Variants in FGF7 observed in about 807,000 individuals in gnomAD.
FGF7 encodes the protein FGF-7.
Under a neutral mutation model 20.5 loss-of-function variants are expected in FGF7, and 6 were observed. The ratio of observed to expected loss-of-function variants is 0.29; its 90% CI spans 0.16 to 0.58. The LOEUF is 0.58. Among genes scored for constraint, FGF7 ranks in the 20% least tolerant of loss-of-function variants. The probability of loss-of-function intolerance (pLI) is 0.90; values close to 1 mark genes in which losing one functional copy is unlikely to be tolerated. For missense variants in FGF7, 144 were observed against 228.8 expected (o/e 0.63, Z 2.39); for synonymous variants, 64 against 74.7 (o/e 0.86, Z 0.74).
At chr15:49,457,316 G>A (rs938894726) in intron 2 of FGF7, among the ~76,000 whole-genome samples, 7 of 151,886 alleles carry the variant, frequency 4.6e-5, no homozygotes, top group Admixed American at 6.6e-5. Flanking sequence ...TCAAATCAGC[G>A]TGTAAACTAC....
chr15:49,480,474 A>ATT (rs35283556), intron 2 of FGF7, among the ~76,000 whole-genome samples: 3,892 of 100,818 alleles, frequency 0.039, 134 homozygotes, highest in African/African-American at 0.085. Flanking sequence ...TGCCCAACTA[A>ATT]TTTTTTTTTT....
In FGF7 at chr15:49,453,729, C is replaced by T. The variant is rs536518883; in HGVS notation, c.286+29146C>T. 2.6e-5 allele frequency among the ~76,000 whole-genome samples: 4 copies of T among 152,252 alleles called. No individual in the cohort carries two copies. In the South Asian group the frequency reaches 8.3e-4, roughly 32 times the overall value. On this transcript the variant is annotated intron_variant, in intron 2 of 3. Coordinates refer to ENST00000267843, the MANE Select transcript of FGF7 (RefSeq NM_002009.4). ...CTGAAATTTCATGTCTCTTCCTTTT[C>T]TTGAGCTCTTGTTACATGTATCTAA...
chr15:49,426,529 T>G (rs2050146467), intron 2 of FGF7, among the ~76,000 whole-genome samples: 1 of 151,930 alleles, frequency 6.6e-6, no homozygotes, highest in Admixed American at 6.6e-5. Context: ...TATCTTCAAC[T>G]GGAATACATT....
chr15:49,482,555 A>G (rs1385115123), intron 2 of FGF7, among the ~76,000 whole-genome samples: 1 of 152,006 alleles, frequency 6.6e-6, no homozygotes, highest in East Asian at 1.9e-4. Flanking sequence ...TATATTCAAG[A>G]GCTATTCTGT....
intron 2 of FGF7, among the ~76,000 whole-genome samples, chr15:49,440,839 A>G (rs2051568972): frequency 6.6e-6 from 1 of 151,738 alleles, no homozygotes; most frequent in Admixed American, 6.6e-5. Context: ...GTTATATAAC[A>G]TTCTGAAGTT....
intron 2 of FGF7, among the ~76,000 whole-genome samples, chr15:49,446,782 G>A (rs1741633192): frequency 6.6e-6 from 1 of 151,378 alleles, no homozygotes; most frequent in Admixed American, 6.6e-5. Flanking sequence ...AGAGAAGATA[G>A]CACAAAACAA....
chr15:49,478,086 T>C (rs980148308), intron 2 of FGF7, among the ~76,000 whole-genome samples: 3 of 152,178 alleles, frequency 2.0e-5, no homozygotes, highest in African/African-American at 7.2e-5. Context: ...TCCCCGCCAG[T>C]AGTCCCCAGT....
rs1232686472 is a variant in FGF7, at chr15:49,485,063, T to C, written c.*559T>C. 1 of 152,080 alleles carries C rather than the reference T, an allele frequency of 6.6e-6. No homozygotes were observed. The highest frequency in any genetic ancestry group is 2.4e-5 in the African/African-American group (1 of 41,424). The allele number at this position is 152,080 out of a possible 1,614,324, so 9.4% of individuals were successfully genotyped here. A position where few individuals can be genotyped will look rare whatever the true frequency, so the allele number is the denominator to read the frequency against. On this transcript the variant is annotated 3_prime_UTR_variant, in exon 4 of 4. Coordinates refer to ENST00000267843, the MANE Select transcript of FGF7 (RefSeq NM_002009.4). ...GAAAAAAAATTCTCAAAAAAACTAT[T>C]ATGAAAGTCAATAAAATAGATAATT...
intron 2 of FGF7, among the ~76,000 whole-genome samples, chr15:49,476,663 C>T (rs1457078208): frequency 6.6e-6 from 1 of 152,106 alleles, no homozygotes; most frequent in East Asian, 1.9e-4. Context: ...AATGTCGGTA[C>T]AAATAGTTTC....
At chr15:49,433,834 C>T (rs903423244) in intron 2 of FGF7, among the ~76,000 whole-genome samples, 2 of 151,526 alleles carry the variant, frequency 1.3e-5, no homozygotes, top group African/African-American at 2.4e-5. Context: ...AAACTATAAA[C>T]AGAAAAAAAC....
Position 49,425,857 on chromosome 15 carries a change from TAGA to T in FGF7, c.286+1278_286+1280del, listed in dbSNP as rs1461412680. On this transcript the variant is annotated intron_variant, in intron 2 of 3. Coordinates refer to ENST00000267843, the MANE Select transcript of FGF7 (RefSeq NM_002009.4). ...ATTAATAAAGGTATCATGTTAGTTCTAGAAGATCATTCTTATTATACTAAAGTT... is the reference window on the plus strand; with the variant it reads ...ATTAATAAAGGTATCATGTTAGTTCTAGATCATTCTTATTATACTAAAGTT... Among the ~76,000 whole-genome samples the T allele has an allele frequency of 2.6e-5, 4 of 151,912 alleles. No homozygotes were observed. The East Asian group carries it at 7.7e-4, about 29-fold the overall frequency.
At chr15:49,460,571 C>T (rs950846656) in intron 2 of FGF7, among the ~76,000 whole-genome samples, 1 of 152,074 alleles carries the variant, frequency 6.6e-6, no homozygotes, top group African/African-American at 2.4e-5. Flanking sequence ...ACCAAATATT[C>T]GAGGTGGGAG....
In FGF7 at chr15:49,479,606, T is replaced by TG. The variant is rs1175144614; in HGVS notation, c.287-3545_287-3544insG. ...TTCATAGTTAATACCTCTGTTTTTT[T>TG]TTTTTTTTTTTTTTTTTTTTTTGTG... On this transcript the variant is annotated intron_variant, in intron 2 of 3. Transcript: ENST00000267843. Among the ~76,000 whole-genome samples the TG allele has an allele frequency of 3.9e-3, 304 of 77,170 alleles. 3 individuals carry two copies. The highest frequency in any genetic ancestry group is 0.016 in the African/African-American group (291 of 17,998). The allele number at this position is 77,170 out of a possible 152,430, so 50.6% of individuals were successfully genotyped here. A position where few individuals can be genotyped will look rare whatever the true frequency, so the allele number is the denominator to read the frequency against.
chr15:49,465,136 A>AT (rs2054146638), intron 2 of FGF7, among the ~76,000 whole-genome samples: 1 of 151,678 alleles, frequency 6.6e-6, no homozygotes, highest in South Asian at 2.1e-4. Context: ...TTTTATTTTT[A>AT]TTTTATTTTT....
Position 49,485,103 on chromosome 15 carries a change from G to C in FGF7, c.*599G>C, listed in dbSNP as rs996074939. 7.9e-5 allele frequency: 12 copies of C among 152,160 alleles called. No individual in the cohort carries two copies. Among genetic ancestry groups the C allele is most frequent in the Middle Eastern group, 3.4e-3 (1 of 294 alleles). The allele number at this position is 152,160 out of a possible 1,614,324, so 9.4% of individuals were successfully genotyped here. A position where few individuals can be genotyped will look rare whatever the true frequency, so the allele number is the denominator to read the frequency against. On this transcript the variant is annotated 3_prime_UTR_variant, in exon 4 of 4. Coordinates refer to ENST00000267843, the MANE Select transcript of FGF7 (RefSeq NM_002009.4). Reference sequence around the variant, plus strand: ...AATAGATAATTTAACAAAAGTACAGGATTAGAACATGCTTATACCTATAAA... The same window carrying C: ...AATAGATAATTTAACAAAAGTACAGCATTAGAACATGCTTATACCTATAAA...
intron 2 of FGF7, among the ~76,000 whole-genome samples, chr15:49,445,344 TCTTA>T (rs1381608977): frequency 6.6e-6 from 1 of 151,676 alleles, no homozygotes; most frequent in Non-Finnish European, 1.5e-5. Flanking sequence ...AATGTTTAGC[TCTTA>T]CTTATAAGTG....
intron 2 of FGF7, among the ~76,000 whole-genome samples, chr15:49,451,968 A>C (rs1007950634): frequency 6.6e-6 from 1 of 152,134 alleles, no homozygotes; most frequent in African/African-American, 2.4e-5. Flanking sequence ...AAAAAATGCT[A>C]TTTGAGAAAC....
chr15:49,471,145 A>G (rs1299716954), intron 2 of FGF7, among the ~76,000 whole-genome samples: 2 of 152,212 alleles, frequency 1.3e-5, no homozygotes, highest in African/African-American at 4.8e-5. Flanking sequence ...GAAGCCAAGA[A>G]GAAAAATTCT....
intron 2 of FGF7, among the ~76,000 whole-genome samples, chr15:49,454,128 T>C (rs978695451): frequency 6.6e-6 from 1 of 152,180 alleles, no homozygotes; most frequent in East Asian, 1.9e-4. Context: ...ACAACATAGA[T>C]GGGGCATACT....
Sources: allele counts gnomAD v4.1 joint callset (sites outside exome capture counted in the v4.1 genomes callset), GRCh38; gene constraint gnomAD v4.1.1; transcripts MANE v1.5; gene names NCBI Gene and HGNC (gene_info 2026-07-23, HGNC 2026-07-21).